Variants in CACNG6 observed in about 807,000 individuals in gnomAD.
CACNG6 encodes the protein voltage-dependent calcium channel gamma-6 subunit.
Under a neutral mutation model 23.9 loss-of-function variants are expected in CACNG6, and 21 were observed. That is an observed-to-expected ratio of 0.88 (90% confidence interval 0.62 to 1.26). The LOEUF is 1.26. Among genes scored for constraint, CACNG6 ranks in the 50% most tolerant of loss-of-function variants. The pLI, the probability that CACNG6 is intolerant of heterozygous loss-of-function variation, is 0.00. For synonymous variants in CACNG6, 182 were observed against 168.9 expected, an observed-to-expected ratio of 1.08 and a Z score of -0.60; for missense variants, 340 against 352.9, an observed-to-expected ratio of 0.96 and a Z score of 0.29.
intron 3 of CACNG6, among the ~76,000 whole-genome samples, chr19:54,002,267 G>GT (rs138464456): frequency 0.074 from 9,751 of 131,340 alleles, 718 homozygotes; most frequent in East Asian, 0.16. Flanking sequence ...CTAATTTTCG[G>GT]TTTTTTTGTT....
upstream of CACNG6, among the ~76,000 whole-genome samples, chr19:53,991,572 C>CGAGGGTGGAGGGTG (rs535117076): frequency 3.4e-3 from 214 of 63,824 alleles, 1 homozygote; most frequent in African/African-American, 9.9e-3. Context: ...GAAATAGCCC[C>CGAGGGTGGAGGGTG]GAGGGTGGAG....
intron 3 of CACNG6, among the ~76,000 whole-genome samples, chr19:54,002,300 T>C (rs1193044630): frequency 7.0e-6 from 1 of 142,878 alleles, no homozygotes; most frequent in Non-Finnish European, 1.5e-5. Flanking sequence ...TTTTTTTTTG[T>C]AGAGATAGGG....
intron 3 of CACNG6, among the ~76,000 whole-genome samples, chr19:54,004,183 G>A (rs2069609541): frequency 1.3e-5 from 2 of 151,180 alleles, no homozygotes; most frequent in South Asian, 4.2e-4. Context: ...TTTTTGAGAC[G>A]GAGTTTCGCT....
intron 3 of CACNG6, among the ~76,000 whole-genome samples, chr19:54,010,970 A>G (rs1372489901): frequency 6.6e-6 from 1 of 151,720 alleles, no homozygotes; most frequent in African/African-American, 2.4e-5. Flanking sequence ...ATGCATAATG[A>G]TCAGATCAGG....
At chr19:53,995,099 C>T (rs2069507403) in intron 1 of CACNG6, among the ~76,000 whole-genome samples, 1 of 151,972 alleles carries the variant, frequency 6.6e-6, no homozygotes, top group East Asian at 1.9e-4. Context: ...TGCACCCAGG[C>T]TAGTTAGATG....
At position 53,999,702 on chromosome 19, in the gene CACNG6, A is replaced by T; in HGVS notation, c.475A>T (p.Ile159Phe). The change falls in exon 3 of 4, where the codon ATC (isoleucine) becomes TTC (phenylalanine). Residue 159 changes from isoleucine (I) to phenylalanine (F), a missense_variant. Coordinates refer to ENST00000252729, the MANE Select transcript of CACNG6 (RefSeq NM_145814.2). The part of the protein sequence containing the change: ...LAVMALGCLC[I>F]IMVLSKGAEF... Reference sequence around the variant, plus strand: ...AGTCATGGCCTTGGGGTGCCTCTGTATCATCATGGTGCTCAGTAAAGGTGC... The same window carrying T: ...AGTCATGGCCTTGGGGTGCCTCTGTTTCATCATGGTGCTCAGTAAAGGTGC... 6.2e-7 allele frequency: 1 copy of T among 1,613,952 alleles called. No homozygotes were observed. The highest frequency in any genetic ancestry group is 8.5e-7 in the Non-Finnish European group (1 of 1,179,936).
intron 3 of CACNG6, among the ~76,000 whole-genome samples, chr19:54,010,309 C>T (rs141982183): frequency 0.047 from 7,062 of 151,846 alleles, 498 homozygotes; most frequent in African/African-American, 0.15. Context: ...TCACTGTGCC[C>T]GGCCCAATTT....
At chr19:53,994,119 T>G (rs2069497251) in intron 1 of CACNG6, among the ~76,000 whole-genome samples, 1 of 152,012 alleles carries the variant, frequency 6.6e-6, no homozygotes, top group Non-Finnish European at 1.5e-5. Flanking sequence ...GGTGTCAGCT[T>G]CCTCTTCCCA....
intron 3 of CACNG6, among the ~76,000 whole-genome samples, chr19:54,003,909 G>A (rs541479736): frequency 1.6e-4 from 24 of 152,212 alleles, no homozygotes; most frequent in African/African-American, 5.5e-4. Context: ...CCAGGCTGAT[G>A]TACAGTGGCA....
intron 3 of CACNG6, among the ~76,000 whole-genome samples, chr19:54,004,335 TTGTG>T (rs4022332): frequency 0.1 from 10,668 of 106,574 alleles, 574 homozygotes; most frequent in South Asian, 0.11. Context: ...TTTTGTATTT[TTGTG>T]TGTGTGTGTG....
chr19:53,992,726 A>G lies in CACNG6; in HGVS notation c.-152A>G, dbSNP rs2145950650. On this transcript the variant is annotated 5_prime_UTR_variant, in exon 1 of 4. Transcript: ENST00000252729. The surrounding 1 kb of genome is among the most constrained non-coding windows in gnomAD (Gnocchi z 4.1). ...AGCAATCTCGACTTTCGCATTTGAG[A>G]TTCCAGACAGGACTCGGCTCTCCCT... 2.3e-6 allele frequency: 1 copy of G among 442,168 alleles called. No individual in the cohort carries two copies. The highest frequency in any genetic ancestry group is 3.5e-5 in the East Asian group (1 of 28,926). 27.4% of individuals were successfully genotyped at this position (442,168 alleles called of 1,614,324 possible).
At chr19:54,006,489 A>G (rs2069646105) in intron 3 of CACNG6, among the ~76,000 whole-genome samples, 1 of 145,920 alleles carries the variant, frequency 6.9e-6, no homozygotes, top group Non-Finnish European at 1.5e-5. Flanking sequence ...TTCCCTCTGT[A>G]CTGGTCTGTG....
intron 3 of CACNG6, among the ~76,000 whole-genome samples, chr19:54,001,403 G>T (rs887185611): frequency 1.3e-5 from 2 of 151,976 alleles, no homozygotes; most frequent in African/African-American, 4.8e-5. Flanking sequence ...TGACCAGGCT[G>T]GTCTCCAACT....
intron 3 of CACNG6, among the ~76,000 whole-genome samples, chr19:54,011,227 T>TATATATACACACACAC (rs1442985544): frequency 5.2e-5 from 5 of 95,288 alleles, no homozygotes; most frequent in Middle Eastern, 4.8e-3. Flanking sequence ...TATATATATA[T>TATATATACACACACAC]ACACACACAC....
intron 3 of CACNG6, among the ~76,000 whole-genome samples, chr19:54,001,471 G>C (rs912825494): frequency 2.0e-5 from 3 of 152,144 alleles, no homozygotes; most frequent in Non-Finnish European, 4.4e-5. Flanking sequence ...TTACAGGCGT[G>C]AGCCACCGCG....
intron 3 of CACNG6, among the ~76,000 whole-genome samples, chr19:54,000,655 T>C (rs1479315781): frequency 1.3e-5 from 2 of 152,136 alleles, no homozygotes; most frequent in Non-Finnish European, 2.9e-5. Context: ...CTCGGCTCAC[T>C]GCAACCTCCG....
intron 3 of CACNG6, among the ~76,000 whole-genome samples, chr19:54,001,988 T>TATCC (rs1361324216): frequency 1.3e-5 from 2 of 152,190 alleles, no homozygotes; most frequent in Non-Finnish European, 2.9e-5. Context: ...GTGTCCATCC[T>TATCC]ATCCATCCAT....
intron 1 of CACNG6, among the ~76,000 whole-genome samples, chr19:53,993,948 C>T (rs1044424568): frequency 2.0e-5 from 3 of 152,072 alleles, no homozygotes; most frequent in Admixed American, 2.0e-4. Flanking sequence ...GTCCCCAGAC[C>T]CAGCCTGTGA....
Position 53,992,731 on chromosome 19 carries a change from A to G in CACNG6, c.-147A>G. The G allele has an allele frequency of 2.2e-6, 1 of 454,184 alleles. No homozygotes were observed. The highest frequency in any genetic ancestry group is 3.7e-6 in the Non-Finnish European group (1 of 267,338). The allele number at this position is 454,184 out of a possible 1,614,324, so 28.1% of individuals were successfully genotyped here. A position where few individuals can be genotyped will look rare whatever the true frequency, so the allele number is the denominator to read the frequency against. On this transcript the variant is annotated 5_prime_UTR_variant, in exon 1 of 4. Coordinates refer to ENST00000252729, the MANE Select transcript of CACNG6 (RefSeq NM_145814.2). The surrounding 1 kb of genome is among the most constrained non-coding windows in gnomAD (Gnocchi z 4.1). ...TCTCGACTTTCGCATTTGAGATTCC[A>G]GACAGGACTCGGCTCTCCCTCTTTC...
Sources: allele counts gnomAD v4.1 joint callset (sites outside exome capture counted in the v4.1 genomes callset), GRCh38; gene constraint gnomAD v4.1.1; non-coding constraint Gnocchi (gnomAD v3.1); transcripts MANE v1.5; gene names NCBI Gene and HGNC (gene_info 2026-07-23, HGNC 2026-07-21).